POLR2M: variants seen among roughly 807,000 people sequenced by gnomAD.
POLR2M encodes protein GRINL1A.
POLR2M carries 30 observed loss-of-function variants against 34.6 expected under a neutral mutation model. The ratio of observed to expected loss-of-function variants is 0.87; its 90% CI spans 0.65 to 1.18. POLR2M has a LOEUF of 1.18. Among genes scored for constraint, POLR2M ranks in the 50% most tolerant of loss-of-function variants. POLR2M has a pLI of 0.00. For missense variants in POLR2M, 432 were observed against 448.7 expected, an observed-to-expected ratio of 0.96 and a Z score of 0.34; for synonymous variants, 150 against 166.7, an observed-to-expected ratio of 0.90 and a Z score of 0.77.
Position 57,714,878 on chromosome 15 carries a change from T to C in POLR2M, c.*199T>C, listed in dbSNP as rs1426220906. 5.5e-5 allele frequency: 45 copies of C among 821,784 alleles called. No homozygotes were observed. The highest frequency in any genetic ancestry group is 7.6e-5 in the Non-Finnish European group (41 of 542,722). 50.9% of individuals were successfully genotyped at this position (821,784 alleles called of 1,614,324 possible). On this transcript the variant is annotated 3_prime_UTR_variant, in exon 4 of 4. Coordinates refer to ENST00000299638, the MANE Select transcript of POLR2M (RefSeq NM_015532.5). ...AAAAGTTTAATATTTGAATATTGTG[T>C]TTAACCACATGGTATTAAAATTTTG...
chr15:57,706,724 G>A lies in POLR2M; in HGVS notation c.-119G>A. 8.4e-7 allele frequency: 1 copy of A among 1,184,642 alleles called. No individual in the cohort carries two copies. The highest frequency in any genetic ancestry group is 1.2e-6 in the Non-Finnish European group (1 of 850,670). 73.4% of individuals were successfully genotyped at this position (1,184,642 alleles called of 1,614,324 possible). ...CTCGAAGAAGACCCCGTTCTTCCGGGAAAATGGCGACTCCCGCTCGTGCCC... is the reference window on the plus strand; with the variant it reads ...CTCGAAGAAGACCCCGTTCTTCCGGAAAAATGGCGACTCCCGCTCGTGCCC... On this transcript the variant is annotated 5_prime_UTR_variant, in exon 1 of 4. Coordinates refer to ENST00000299638, the MANE Select transcript of POLR2M (RefSeq NM_015532.5).
intron 1 of POLR2M, 142 bp from the exon 2 acceptor site, chr15:57,708,572 T>G: frequency 1.3e-6 from 1 of 772,264 alleles, no homozygotes; most frequent in Non-Finnish European, 2.0e-6. Context: ...TGTTTTATTC[T>G]TGTTTTGGGG....
chr15:57,707,278 G>A, intron 1 of POLR2M: 1 of 850,240 alleles, frequency 1.2e-6, no homozygotes, highest in Non-Finnish European at 1.8e-6. Flanking sequence ...TTTGTCGCCC[G>A]CACCCCTAAC....
chr15:57,712,304 G>A, intron 3 of POLR2M, 116 bp downstream of exon 3: 2 of 1,223,414 alleles, frequency 1.6e-6, no homozygotes, highest in Non-Finnish European at 2.3e-6. Flanking sequence ...GCTTCCATGA[G>A]CTCAGATCTA....
rs1380336505 is a variant in POLR2M at position 57,716,512 on chromosome 15, C to G, written c.*1833C>G. 1 of 152,266 alleles carries G rather than the reference C, an allele frequency of 6.6e-6. No homozygotes were observed. Among genetic ancestry groups the G allele is most frequent in the Non-Finnish European group, 1.5e-5 (1 of 68,046 alleles). 9.4% of individuals were successfully genotyped at this position (152,266 alleles called of 1,614,324 possible). ...ATTTACATTCCCATTAGCAATATATCCAATGCTCAGAATTGAAAATTACTA... is the reference window on the plus strand; with the variant it reads ...ATTTACATTCCCATTAGCAATATATGCAATGCTCAGAATTGAAAATTACTA... On this transcript the variant is annotated 3_prime_UTR_variant, in exon 4 of 4. Coordinates refer to ENST00000299638, the MANE Select transcript of POLR2M (RefSeq NM_015532.5).
Position 57,715,076 on chromosome 15 carries a change from A to G in POLR2M, c.*397A>G, listed in dbSNP as rs1454736242. On this transcript the variant is annotated 3_prime_UTR_variant, in exon 4 of 4. Transcript: ENST00000299638. ...TAGTTGTTCCAGGCACCTAAAATCAATTAGGAAGACATAGTTCCCTTCTTT... is the reference window on the plus strand; with the variant it reads ...TAGTTGTTCCAGGCACCTAAAATCAGTTAGGAAGACATAGTTCCCTTCTTT... 6.7e-5 allele frequency: 12 copies of G among 180,326 alleles called. No individual in the cohort carries two copies. Among genetic ancestry groups the G allele is most frequent in the East Asian group, 5.4e-4 (3 of 5,580 alleles). 11.2% of individuals were successfully genotyped at this position (180,326 alleles called of 1,614,324 possible).
At chr15:57,712,338 C>T in intron 3 of POLR2M, 150 bp downstream of exon 3, 1 of 938,510 alleles carries the variant, frequency 1.1e-6, no homozygotes, top group East Asian at 2.7e-5. Context: ...CAGAGAGTCA[C>T]AAAGTTGCTA....
intron 2 of POLR2M, among the ~76,000 whole-genome samples, chr15:57,711,506 T>C (rs1191680957): frequency 2.6e-5 from 4 of 152,248 alleles, no homozygotes; most frequent in Admixed American, 6.5e-5. Context: ...CTTGCTGGGA[T>C]GCACTTCTCT....
chr15:57,707,608 C>A, intron 1 of POLR2M: 1 of 445,918 alleles, frequency 2.2e-6, no homozygotes, highest in Non-Finnish European at 4.5e-6. Flanking sequence ...AACTTTTAAG[C>A]ATGGACTAAT....
rs1232577513 is a variant in POLR2M, at chr15:57,713,574, C to T, written c.964-962C>T. On this transcript the variant is annotated intron_variant, in intron 3 of 3. Coordinates refer to ENST00000299638, the MANE Select transcript of POLR2M (RefSeq NM_015532.5). ...GAATTAGGAATGACATTGCCACCTA[C>T]CATCAGTTGGTGGTAAAGTCCTTGG... Among the ~76,000 whole-genome samples the T allele has an allele frequency of 3.9e-5, 6 of 152,108 alleles. No homozygotes were observed. In the East Asian group the frequency reaches 1.2e-3, roughly 29 times the overall value.
chr15:57,709,165 G>A lies in POLR2M; in HGVS notation c.565G>A (p.Asp189Asn), dbSNP rs575871654. The change falls in exon 2 of 4, where the codon GAC (aspartate) becomes AAC (asparagine). Residue 189 changes from aspartate (D) to asparagine (N), a missense_variant. Physicochemically the swap from Asp to Asn is conservative, Grantham distance 23. Coordinates refer to ENST00000299638, the MANE Select transcript of POLR2M (RefSeq NM_015532.5). ...AGCGGAAGATACTTCCAGCAGCTTT[G>A]ACAACCTGTTTATTGACAGGTTACA... ...SQAEDTSSSF[D>N]NLFIDRLQRI... is the part of the protein sequence containing the mutation. The A allele has an allele frequency of 6.2e-7, 1 of 1,614,196 alleles. No individual in the cohort carries two copies. Among genetic ancestry groups the A allele is most frequent in the South Asian group, 1.1e-5 (1 of 91,076 alleles).
intron 1 of POLR2M, among the ~76,000 whole-genome samples, chr15:57,708,102 G>A (rs1475222871): frequency 6.6e-6 from 1 of 152,164 alleles, no homozygotes; most frequent in African/African-American, 2.4e-5. Context: ...TTTGGTCTCA[G>A]GACTCCGTTA....
Position 57,708,850 on chromosome 15 carries a change from C to T in POLR2M, c.250C>T (p.Leu84=). Residue 84 remains leucine (L), a synonymous_variant, in exon 2 of 4, where the codon CTA becomes TTA. Transcript: ENST00000299638. The part of the protein sequence containing the change: ...LFNPVSLDCK[L]RQKAIAEVDV... Reference sequence around the variant, plus strand: ...TAACCCTGTTAGTTTAGACTGTAAGCTAAGGCAAAAAGCAATTGCAGAAGT... The same window carrying T: ...TAACCCTGTTAGTTTAGACTGTAAGTTAAGGCAAAAAGCAATTGCAGAAGT... 6.2e-7 allele frequency: 1 copy of T among 1,613,968 alleles called. No individual in the cohort carries two copies. The highest frequency in any genetic ancestry group is 8.5e-7 in the Non-Finnish European group (1 of 1,179,872).
chr15:57,712,375 T>A (rs2040761218), intron 3 of POLR2M, among the ~76,000 whole-genome samples, 187 bp downstream of exon 3: 1 of 152,150 alleles, frequency 6.6e-6, no homozygotes, highest in Non-Finnish European at 1.5e-5. Context: ...CTAGAGATGA[T>A]CACAGCTACC....
At chr15:57,714,442 C>T in intron 3 of POLR2M, 94 bp from the exon 4 acceptor site, 1 of 1,564,462 alleles carries the variant, frequency 6.4e-7, no homozygotes, top group African/African-American at 1.4e-5. Flanking sequence ...GTGTCAGTGT[C>T]CCTCTTATTG....
chr15:57,711,750 A>C (rs1326732738), intron 2 of POLR2M, among the ~76,000 whole-genome samples: 3 of 151,940 alleles, frequency 2.0e-5, no homozygotes, highest in Non-Finnish European at 4.4e-5. Flanking sequence ...TAAATGAAAA[A>C]AAAAAAAAAA....
At position 57,716,406 on chromosome 15, in the gene POLR2M, T is replaced by C; in HGVS notation, c.*1727T>C. The stretch of plus-strand genomic sequence containing the variant: ...TAGAAAATGACTTATTTCCAGAAGA[T>C]ACCGCTCTAAAAATGAAATTGTTAG... On this transcript the variant is annotated 3_prime_UTR_variant, in exon 4 of 4. Transcript: ENST00000299638. The C allele has an allele frequency of 1.3e-5, 2 of 152,246 alleles. No homozygotes were observed. 9.4% of individuals were successfully genotyped at this position (152,246 alleles called of 1,614,324 possible).
In POLR2M at chr15:57,708,924, T is replaced by A. The variant is rs765608765; in HGVS notation, c.324T>A (p.Thr108=). ...AGAATTCTGACCCGATACTTGATAC[T>A]TCATCACTAGTTCCTGGATGTTCCT... ...KAQNSDPILD[T]SSLVPGCSSV... Residue 108 remains threonine, a synonymous_variant, in exon 2 of 4, where the codon ACT becomes ACA. Coordinates refer to ENST00000299638, the MANE Select transcript of POLR2M (RefSeq NM_015532.5). 1.2e-6 allele frequency: 2 copies of A among 1,614,142 alleles called. No homozygotes were observed. Among genetic ancestry groups the A allele is most frequent in the South Asian group, 2.2e-5 (2 of 91,084 alleles).
intron 1 of POLR2M, chr15:57,707,523 G>A: frequency 2.1e-6 from 1 of 476,394 alleles, no homozygotes; most frequent in South Asian, 1.5e-5. Flanking sequence ...AAAAGCAGAA[G>A]ACAGTAGAAG....
Sources: gnomAD v4.1 joint callset for allele counts (sites outside exome capture counted in the v4.1 genomes callset) on GRCh38, gnomAD v4.1.1 for gene constraint, MANE v1.5 for transcripts, NCBI Gene and HGNC (gene_info 2026-07-23, HGNC 2026-07-21) for gene names.